The following BMAL2 variants were observed in gnomAD, a reference collection of about 807,000 sequenced individuals.
BMAL2 encodes basic helix-loop-helix ARNT-like protein 2.
the BMAL2 span, among the ~76,000 whole-genome samples, chr12:27,402,914 T>C: frequency 6.6e-6 from 1 of 152,234 alleles, no homozygotes; most frequent in Non-Finnish European, 1.5e-5. Flanking sequence ...CCCACAGTGC[T>C]TTGCTCACTT....
At chr12:27,395,048 T>C in the BMAL2 span, among the ~76,000 whole-genome samples, 2 of 152,244 alleles carry the variant, frequency 1.3e-5, no homozygotes, top group African/African-American at 4.8e-5. Context: ...TATTTTGCTA[T>C]GGCAGCCCAA....
At chr12:27,401,649 A>T in the BMAL2 span, 1 of 1,603,868 alleles carries the variant, frequency 6.2e-7, no homozygotes. Flanking sequence ...ACTGGAATAT[A>T]TTGTATCTGT....
the BMAL2 span, among the ~76,000 whole-genome samples, chr12:27,357,843 A>G: frequency 6.6e-6 from 1 of 152,190 alleles, no homozygotes; most frequent in Non-Finnish European, 1.5e-5. Context: ...TTCATCTCTC[A>G]CATTATACAA....
the BMAL2 span, among the ~76,000 whole-genome samples, chr12:27,390,863 T>C: frequency 5.3e-5 from 8 of 152,216 alleles, no homozygotes; most frequent in African/African-American, 1.2e-4. Flanking sequence ...TAGGATTCCA[T>C]AGGCAAATTT....
chr12:27,387,398 A>G, the BMAL2 span: 2 of 958,818 alleles, frequency 2.1e-6, no homozygotes, highest in Non-Finnish European at 3.3e-6. Context: ...CTTTTTCTGA[A>G]CACCTTCTCC....
chr12:27,368,365 G>A, the BMAL2 span: 1 of 1,614,154 alleles, frequency 6.2e-7, no homozygotes, highest in South Asian at 1.1e-5. Flanking sequence ...GCTCACACAT[G>A]ACAGAGTTTC....
chr12:27,408,559 A>G, the BMAL2 span, among the ~76,000 whole-genome samples: 3,492 of 152,194 alleles, frequency 0.023, 133 homozygotes, highest in African/African-American at 0.08. Context: ...CATGCTAAAA[A>G]CTCTCAATAA....
the BMAL2 span, among the ~76,000 whole-genome samples, chr12:27,353,547 A>C: frequency 2.0e-5 from 3 of 152,222 alleles, no homozygotes; most frequent in Non-Finnish European, 4.4e-5. Context: ...CTCCAAAAGC[A>C]ATTGCAACAA....
chr12:27,392,862 T>C, the BMAL2 span, among the ~76,000 whole-genome samples: 3,028 of 152,310 alleles, frequency 0.02, 91 homozygotes, highest in African/African-American at 0.07. Flanking sequence ...ATTTTAGTCA[T>C]GTTTGTGTTG....
At chr12:27,380,080 G>A in the BMAL2 span, among the ~76,000 whole-genome samples, 1 of 152,256 alleles carries the variant, frequency 6.6e-6, no homozygotes, top group South Asian at 2.1e-4. Context: ...TGCTGTTCCT[G>A]GTCTCAGCAG....
the BMAL2 span, among the ~76,000 whole-genome samples, chr12:27,385,140 C>T: frequency 5.9e-5 from 9 of 151,994 alleles, no homozygotes; most frequent in Non-Finnish European, 1.3e-4. Flanking sequence ...ATAGTGAAAA[C>T]TTGTCTCTAA....
the BMAL2 span, among the ~76,000 whole-genome samples, chr12:27,405,622 G>A: frequency 6.6e-6 from 1 of 151,980 alleles, no homozygotes; most frequent in Non-Finnish European, 1.5e-5. Flanking sequence ...AAAGACCAAA[G>A]GTAGATAAAA....
chr12:27,386,933 C>T, the BMAL2 span, among the ~76,000 whole-genome samples: 1 of 152,154 alleles, frequency 6.6e-6, no homozygotes, highest in African/African-American at 2.4e-5. Flanking sequence ...TATTTAGGCT[C>T]ATATACAGCA....
the BMAL2 span, among the ~76,000 whole-genome samples, chr12:27,417,078 G>A: frequency 7.9e-5 from 12 of 151,988 alleles, no homozygotes; most frequent in Admixed American, 6.6e-5. Context: ...TCCATTTTGC[G>A]TGAGGCAGGA....
chr12:27,414,047 C>T, the BMAL2 span, among the ~76,000 whole-genome samples: 5 of 150,540 alleles, frequency 3.3e-5, no homozygotes, highest in Non-Finnish European at 7.4e-5. Flanking sequence ...TCTTGAAAAA[C>T]ATGCAAAAAA....
the BMAL2 span, chr12:27,400,753 A>G: frequency 6.2e-7 from 1 of 1,611,294 alleles, no homozygotes; most frequent in Non-Finnish European, 8.5e-7. Flanking sequence ...GTGAATGGAA[A>G]ATTTGTCTAT....
At chr12:27,348,927 A>G in the BMAL2 span, among the ~76,000 whole-genome samples, 4 of 152,206 alleles carry the variant, frequency 2.6e-5, no homozygotes, top group Non-Finnish European at 4.4e-5. Flanking sequence ...GTGCTGCTAT[A>G]TAATGTCTGA....
the BMAL2 span, among the ~76,000 whole-genome samples, chr12:27,396,558 A>G: frequency 3.3e-5 from 5 of 152,024 alleles, no homozygotes; most frequent in Non-Finnish European, 7.4e-5. Context: ...CGTGAAAGAG[A>G]TTCTGGATGA....
At chr12:27,380,531 A>T in the BMAL2 span, 2 of 975,194 alleles carry the variant, frequency 2.1e-6, no homozygotes, top group Non-Finnish European at 3.1e-6. Context: ...CTTTAGAGGT[A>T]TTCACTGGCA....
Sources: allele counts gnomAD v4.1 joint callset (sites outside exome capture counted in the v4.1 genomes callset), GRCh38; gene constraint gnomAD v4.1.1; transcripts MANE v1.5; gene names NCBI Gene and HGNC (gene_info 2026-07-23, HGNC 2026-07-21).